The following UBE2E3 variants were observed in gnomAD, a reference collection of about 807,000 sequenced individuals.
The protein encoded by UBE2E3 is ubiquitin-conjugating enzyme E2 E3.
UBE2E3 carries 5 observed loss-of-function variants against 23.6 expected under a neutral mutation model. The ratio of observed to expected loss-of-function variants is 0.21; its 90% CI spans 0.11 to 0.44. UBE2E3 has a LOEUF of 0.44. Ranked by LOEUF, UBE2E3 falls within the 20% of genes least tolerant of loss-of-function variation. The pLI is 0.99. For missense variants in UBE2E3, 81 were observed against 249.8 expected (o/e 0.32, Z 4.55); for synonymous variants, 78 against 87.5 (o/e 0.89, Z 0.60).
At chr2:181,056,049 T>G (rs1329696591) in intron 3 of UBE2E3, among the ~76,000 whole-genome samples, 1 of 142,106 alleles carries the variant, frequency 7.0e-6, no homozygotes, top group Admixed American at 7.3e-5. Flanking sequence ...ATTCCAAGGA[T>G]GGGATTCCTT....
intron 3 of UBE2E3, among the ~76,000 whole-genome samples, chr2:181,031,037 G>T (rs1686062895): frequency 6.6e-6 from 1 of 151,672 alleles, no homozygotes; most frequent in South Asian, 2.1e-4. Context: ...TTTTAGATTG[G>T]GTTCTTAATT....
chr2:180,984,203 A>G (rs1275223351), intron 3 of UBE2E3, 110 bp downstream of exon 3: 2 of 901,264 alleles, frequency 2.2e-6, no homozygotes, highest in Admixed American at 2.7e-5. Flanking sequence ...GCTTCTTTAC[A>G]GCTTTGCAAG....
intron 3 of UBE2E3, among the ~76,000 whole-genome samples, chr2:181,018,195 A>G (rs934088441): frequency 5.9e-5 from 9 of 152,014 alleles, no homozygotes; most frequent in Admixed American, 5.2e-4. Context: ...AAAAACAGTT[A>G]TACTCTAGTA....
intron 3 of UBE2E3, among the ~76,000 whole-genome samples, chr2:181,052,829 GC>G (rs1227540158): frequency 5.3e-5 from 8 of 151,726 alleles, no homozygotes; most frequent in African/African-American, 1.7e-4. Context: ...TTCTGCCTCT[GC>G]TGTTCCAGGA....
chr2:180,987,419 T>A (rs1449473657), intron 3 of UBE2E3: 1 of 1,549,012 alleles, frequency 6.5e-7, no homozygotes, highest in Non-Finnish European at 8.7e-7. Flanking sequence ...ACTTAACCCC[T>A]AATTTCTTTC....
intron 4 of UBE2E3, among the ~76,000 whole-genome samples, chr2:181,058,717 A>G (rs1448628516): frequency 7.8e-6 from 1 of 128,546 alleles, no homozygotes; most frequent in Non-Finnish European, 1.7e-5. Flanking sequence ...AAATTTATGT[A>G]GCCTGTGTGT....
chr2:180,980,983 C>CGGGGCCGG lies in UBE2E3; in HGVS notation c.-26+18_-26+25dup, dbSNP rs1684267243. ...CGGGCGGGCGGCCGAGGTAAGGCGG[C>CGGGGCCGG]GGGGCCGGGGGGCCGCGTGGGGGGC... On this transcript the variant is annotated intron_variant, in intron 1 of 5. Transcript: ENST00000410062. This position sits in a 1 kb window ranked among gnomAD's most constrained non-coding sequence, Gnocchi z 5.5. 5 of 145,130 alleles carry CGGGGCCGG rather than the reference C, an allele frequency of 3.4e-5. No individual in the cohort carries two copies. In the South Asian group the frequency reaches 9.3e-4, roughly 27 times the overall value. 9.0% of individuals were successfully genotyped at this position (145,130 alleles called of 1,614,324 possible).
rs77825022 is a variant in UBE2E3 at position 181,050,172 on chromosome 2, A to G, written c.246-7521A>G. ...AGAATCCACTTCTTTACAAGGCAATACTCTGATCACTATTTCCTGAACAGT... is the reference window on the plus strand; with the variant it reads ...AGAATCCACTTCTTTACAAGGCAATGCTCTGATCACTATTTCCTGAACAGT... On this transcript the variant is annotated intron_variant, in intron 3 of 5. Transcript: ENST00000410062. Among the ~76,000 whole-genome samples the G allele has an allele frequency of 8.5e-3, 1,292 of 151,990 alleles. 21 individuals carry two copies. The highest frequency in any genetic ancestry group is 0.03 in the African/African-American group (1,227 of 41,532).
At chr2:181,039,364 G>GAATATACT (rs1686405086) in intron 3 of UBE2E3, among the ~76,000 whole-genome samples, 1 of 152,062 alleles carries the variant, frequency 6.6e-6, no homozygotes, top group Non-Finnish European at 1.5e-5. Flanking sequence ...AAAATGTAAT[G>GAATATACT]AATATACTTT....
At chr2:181,061,775 CTT>C (rs58811030) in intron 5 of UBE2E3, among the ~76,000 whole-genome samples, 203 of 144,914 alleles carry the variant, frequency 1.4e-3, no homozygotes, top group Middle Eastern at 3.5e-3. Flanking sequence ...GTTATGTGAC[CTT>C]TTTTTTTTTT....
At chr2:180,983,341 T>C (rs1268844670) in intron 2 of UBE2E3, among the ~76,000 whole-genome samples, 2 of 152,344 alleles carry the variant, frequency 1.3e-5, no homozygotes, top group African/African-American at 4.8e-5. Context: ...ATAGTGTTGA[T>C]GCGGAACATA....
intron 3 of UBE2E3, among the ~76,000 whole-genome samples, chr2:180,992,832 T>G: frequency 7.0e-6 from 1 of 142,102 alleles, no homozygotes; most frequent in East Asian, 2.0e-4. Flanking sequence ...CAACTAATTT[T>G]GTATTTTTTT....
At chr2:181,035,187 C>A (rs956277567) in intron 3 of UBE2E3, among the ~76,000 whole-genome samples, 1 of 152,032 alleles carries the variant, frequency 6.6e-6, no homozygotes, top group South Asian at 2.1e-4. Context: ...TAAGGGATAA[C>A]CTTTTGAATT....
chr2:181,051,129 A>G (rs1686834283), intron 3 of UBE2E3, among the ~76,000 whole-genome samples: 1 of 151,958 alleles, frequency 6.6e-6, no homozygotes, highest in Middle Eastern at 3.4e-3. Flanking sequence ...CGGTGTATGT[A>G]TGCATTCATA....
chr2:181,061,885 AGAT>A (rs1687164950), intron 5 of UBE2E3, among the ~76,000 whole-genome samples: 1 of 151,582 alleles, frequency 6.6e-6, no homozygotes, highest in Non-Finnish European at 1.5e-5. Context: ...AGATAGTGAC[AGAT>A]GGATATTCAT....
rs1684902902 is a variant in UBE2E3, at chr2:180,998,687, T to TA, written c.245+14597dup. 3.9e-5 allele frequency among the ~76,000 whole-genome samples: 6 copies of TA among 152,218 alleles called. 1 individual carries two copies. The South Asian group carries it at 1.2e-3, about 32-fold the overall frequency. On this transcript the variant is annotated intron_variant, in intron 3 of 5. Transcript: ENST00000410062. ...CCCTGTGCGTGAGCATGTCTATAGT[T>TA]AAAGACTTAATGAGAAAGCATCAAA...
At chr2:181,000,457 C>G (rs940253549) in intron 3 of UBE2E3, among the ~76,000 whole-genome samples, 2 of 152,058 alleles carry the variant, frequency 1.3e-5, no homozygotes, top group Non-Finnish European at 2.9e-5. Context: ...TCATACTGTA[C>G]TCTGTATTCA....
intron 3 of UBE2E3, among the ~76,000 whole-genome samples, chr2:181,039,445 A>ATG (rs1186176394): frequency 6.6e-6 from 1 of 152,058 alleles, no homozygotes; most frequent in Non-Finnish European, 1.5e-5. Context: ...TATAACTAGA[A>ATG]TGCCTGTGGT....
At chr2:181,014,980 A>C (rs1201247380) in intron 3 of UBE2E3, among the ~76,000 whole-genome samples, 4 of 152,196 alleles carry the variant, frequency 2.6e-5, no homozygotes, top group African/African-American at 4.8e-5. Context: ...GAAGGAAGAG[A>C]ACGGTGATGC....
Sources: gnomAD v4.1 joint callset for allele counts (sites outside exome capture counted in the v4.1 genomes callset) on GRCh38, gnomAD v4.1.1 for gene constraint, Gnocchi (gnomAD v3.1) non-coding constraint, MANE v1.5 for transcripts, NCBI Gene and HGNC (gene_info 2026-07-23, HGNC 2026-07-21) for gene names.